The following TMEM201 variants were observed in gnomAD, a reference collection of about 807,000 sequenced individuals.
The protein encoded by TMEM201 is transmembrane protein 201.
TMEM201 carries 26 observed loss-of-function variants against 63.4 expected under a neutral mutation model. The observed-to-expected ratio is 0.41, with a 90% CI of 0.30 to 0.57. The LOEUF is 0.57. Among genes scored for constraint, TMEM201 ranks in the 20% least tolerant of loss-of-function variants. TMEM201 has a pLI of 0.29. For missense variants in TMEM201, 794 were observed against 917.7 expected, an observed-to-expected ratio of 0.87 and a Z score of 1.74; for synonymous variants, 417 against 421.6, an observed-to-expected ratio of 0.99 and a Z score of 0.14.
chr1:9,597,046 G>T lies in TMEM201; in HGVS notation c.422G>T (p.Arg141Leu), dbSNP rs370140123. The T allele has an allele frequency of 1.9e-6, 3 of 1,602,620 alleles. No individual in the cohort carries two copies. The Admixed American group carries it at 5.0e-5, about 27-fold the overall frequency. Residue 141 changes from arginine (R) to leucine (L), a missense_variant, in exon 3 of 11, where the codon CGC (arginine) becomes CTC (leucine). Transcript: ENST00000340381. ...KIKQLAAFAP[R>L]EEGRYDEEVE... ...AAGCAGCTGGCCGCCTTCGCTCCCC[G>T]CGAGGAGGTGAGGCCGGGTTGGGAG...
intron 1 of TMEM201, 41 bp downstream of exon 1, chr1:9,589,084 C>T: frequency 2.3e-6 from 2 of 861,764 alleles, no homozygotes; most frequent in Non-Finnish European, 2.8e-6. Context: ...TCTGCGCCGC[C>T]CGCCAGGCCC....
chr1:9,613,415 G>A lies in TMEM201; in HGVS notation c.*332G>A. 1 of 376,180 alleles carries A rather than the reference G, an allele frequency of 2.7e-6. No individual in the cohort carries two copies. The highest frequency in any genetic ancestry group is 4.0e-5 in the South Asian group (1 of 24,994). 23.3% of individuals were successfully genotyped at this position (376,180 alleles called of 1,614,324 possible). A position where few individuals can be genotyped will look rare whatever the true frequency, so the allele number is the denominator to read the frequency against. ...ACACAGTTCAGCCCTGCCTGGCAGG[G>A]ACGCCAGTACTACTGTAACTGCAGC... is the stretch of plus-strand genomic sequence containing the variant. On this transcript the variant is annotated 3_prime_UTR_variant, in exon 11 of 11. Transcript: ENST00000340381.
rs546889998 is a variant in TMEM201 at position 9,603,691 on chromosome 1, G to C, written c.1160+1419G>C. 1.0e-6 allele frequency: 1 copy of C among 985,504 alleles called. No individual in the cohort carries two copies. Among genetic ancestry groups the C allele is most frequent in the South Asian group, 4.7e-5 (1 of 21,288 alleles). The allele number at this position is 985,504 out of a possible 1,614,324, so 61.0% of individuals were successfully genotyped here. The stretch of plus-strand genomic sequence containing the variant: ...GGCAGGTGCCAGGCCTCACTGCTGT[G>C]AATCTGCCACGCCTGGGGGTCCTAG... On this transcript the variant is annotated intron_variant, in intron 6 of 10. Coordinates refer to ENST00000340381, the MANE Select transcript of TMEM201 (RefSeq NM_001130924.3). The surrounding 1 kb of genome is among the most constrained non-coding windows in gnomAD (Gnocchi z 4.5).
chr1:9,599,684 G>A (rs190882679), intron 4 of TMEM201, among the ~76,000 whole-genome samples: 3 of 151,774 alleles, frequency 2.0e-5, no homozygotes, highest in African/African-American at 4.8e-5. Context: ...GTGCAGTGGC[G>A]TGATCTCGGC....
In TMEM201 at chr1:9,613,316, G is replaced by C; in HGVS notation, c.*233G>C. 3 of 573,930 alleles carry C rather than the reference G, an allele frequency of 5.2e-6. No individual in the cohort carries two copies. The highest frequency in any genetic ancestry group is 9.4e-6 in the Non-Finnish European group (3 of 320,692). 35.6% of individuals were successfully genotyped at this position (573,930 alleles called of 1,614,324 possible). On this transcript the variant is annotated 3_prime_UTR_variant, in exon 11 of 11. Coordinates refer to ENST00000340381, the MANE Select transcript of TMEM201 (RefSeq NM_001130924.3). Reference sequence around the variant, plus strand: ...CCCACTCACCTCCTTGGCTGACATCGGTTGTGTTTGGTGCTGACACTCTGA... The same window carrying C: ...CCCACTCACCTCCTTGGCTGACATCCGTTGTGTTTGGTGCTGACACTCTGA...
chr1:9,602,446 C>T, intron 6 of TMEM201, 174 bp downstream of exon 6: 1 of 1,448,012 alleles, frequency 6.9e-7, no homozygotes, highest in East Asian at 2.5e-5. Flanking sequence ...CTCGAAGAGT[C>T]AGTCTGCCCT....
At chr1:9,601,632 C>T (rs1342180916) in intron 5 of TMEM201, among the ~76,000 whole-genome samples, 178 bp downstream of exon 5, 10 of 152,314 alleles carry the variant, frequency 6.6e-5, no homozygotes, top group South Asian at 2.1e-4. Context: ...AGGCTGCAGA[C>T]GCCCTCTGAG....
intron 5 of TMEM201, among the ~76,000 whole-genome samples, chr1:9,601,835 G>A (rs1644148877): frequency 6.6e-6 from 1 of 152,206 alleles, no homozygotes; most frequent in Non-Finnish European, 1.5e-5. Flanking sequence ...CACCGACTCG[G>A]AGGAATTTTC....
rs1255686772 is a variant in TMEM201 at position 9,595,963 on chromosome 1, A to G, written c.187A>G (p.Asn63Asp). ...QDTLVPYGNR[N>D]CWDCPHCEQY... Reference sequence around the variant, plus strand: ...TACGCTGGTGCCCTATGGGAACCGCAACTGCTGGGACTGTCCCCACTGCGA... The same window carrying G: ...TACGCTGGTGCCCTATGGGAACCGCGACTGCTGGGACTGTCCCCACTGCGA... Residue 63 changes from asparagine (N) to aspartate (D), a missense_variant, in exon 2 of 11, where the codon AAC becomes GAC. Physicochemically the swap from Asn to Asp is conservative, Grantham distance 23 (BLOSUM62 1). Coordinates refer to ENST00000340381, the MANE Select transcript of TMEM201 (RefSeq NM_001130924.3). 1 of 1,613,640 alleles carries G rather than the reference A, an allele frequency of 6.2e-7. No homozygotes were observed. Among genetic ancestry groups the G allele is most frequent in the Non-Finnish European group, 8.5e-7 (1 of 1,180,022 alleles).
At position 9,603,120 on chromosome 1, in the gene TMEM201, C is replaced by A; in HGVS notation, c.1160+848C>A. 1.0e-6 allele frequency: 1 copy of A among 985,472 alleles called. No individual in the cohort carries two copies. The highest frequency in any genetic ancestry group is 1.1e-4 in the East Asian group (1 of 8,808). 61.0% of individuals were successfully genotyped at this position (985,472 alleles called of 1,614,324 possible). On this transcript the variant is annotated intron_variant, in intron 6 of 10. Coordinates refer to ENST00000340381, the MANE Select transcript of TMEM201 (RefSeq NM_001130924.3). This position sits in a 1 kb window ranked among gnomAD's most constrained non-coding sequence, Gnocchi z 4.5. ...TGACATCAGGTCGTTGTCATCCTTTCCCTCCCTGACCTGTCACGAGCCTCT... is the reference window on the plus strand; with the variant it reads ...TGACATCAGGTCGTTGTCATCCTTTACCTCCCTGACCTGTCACGAGCCTCT...
chr1:9,599,968 C>T (rs533469657), intron 4 of TMEM201, among the ~76,000 whole-genome samples: 2 of 152,260 alleles, frequency 1.3e-5, no homozygotes, highest in South Asian at 4.1e-4. Context: ...CTTAAAAGTA[C>T]AGTAGTAAGT....
Position 9,613,366 on chromosome 1 carries a change from G to A in TMEM201, c.*283G>A. ...ATCCCGAAGCCAGGGAGCCCCAAGG[G>A]GCTGCATGACCCTGGGGTGCCCCAC... is the stretch of plus-strand genomic sequence containing the variant. On this transcript the variant is annotated 3_prime_UTR_variant, in exon 11 of 11. Transcript: ENST00000340381. 1 of 523,088 alleles carries A rather than the reference G, an allele frequency of 1.9e-6. No individual in the cohort carries two copies. The highest frequency in any genetic ancestry group is 3.5e-6 in the Non-Finnish European group (1 of 288,648). 32.4% of individuals were successfully genotyped at this position (523,088 alleles called of 1,614,324 possible).
chr1:9,610,039 C>A lies in TMEM201; in HGVS notation c.1465+128C>A. 1 of 840,220 alleles carries A rather than the reference C, an allele frequency of 1.2e-6. No homozygotes were observed. The highest frequency in any genetic ancestry group is 1.9e-6 in the Non-Finnish European group (1 of 515,448). 52.0% of individuals were successfully genotyped at this position (840,220 alleles called of 1,614,324 possible). On this transcript the variant is annotated intron_variant, in intron 8 of 10. Transcript: ENST00000340381. The surrounding 1 kb of genome is among the most constrained non-coding windows in gnomAD (Gnocchi z 4.9). ...TGTGTGTTCACATCTCAGCCCTGGG[C>A]AAGTGACCTACACACCTGTGCCTCA...
chr1:9,609,702 A>C, intron 7 of TMEM201, 138 bp from the exon 8 acceptor site: 1 of 789,942 alleles, frequency 1.3e-6, no homozygotes, highest in Non-Finnish European at 2.0e-6. Context: ...AGTCCGAGGA[A>C]TCCGTGAGCA....
At position 9,588,959 on chromosome 1, in the gene TMEM201, GCT is replaced by G; in HGVS notation, c.30_31del (p.Cys11ProfsTer136). The G allele has an allele frequency of 1.6e-6, 2 of 1,269,028 alleles. No individual in the cohort carries two copies. The highest frequency in any genetic ancestry group is 2.0e-6 in the Non-Finnish European group (2 of 989,370). The allele number at this position is 1,269,028 out of a possible 1,614,324, so 78.6% of individuals were successfully genotyped here. Reference sequence around the variant, plus strand: ...GAGGGAGTGAGCGCGCTGCTGGCCCGCTGCCCCACGGCCGGCCTGGCCGGCGG... The same window carrying G: ...GAGGGAGTGAGCGCGCTGCTGGCCCGGCCCCACGGCCGGCCTGGCCGGCGG... On this transcript the variant is annotated frameshift_variant, in exon 1 of 11. Coordinates refer to ENST00000340381, the MANE Select transcript of TMEM201 (RefSeq NM_001130924.3). LOFTEE classifies it high-confidence loss of function.
In TMEM201 at chr1:9,607,339, G is replaced by T. The variant is rs559413099; in HGVS notation, c.1161-218G>T. 1.3e-5 allele frequency among the ~76,000 whole-genome samples: 2 copies of T among 152,210 alleles called. No homozygotes were observed. Among genetic ancestry groups the T allele is most frequent in the South Asian group, 4.2e-4 (2 of 4,814 alleles). ...CCGAGGGGGTAGGAGGGGGCATGTG[G>T]GGAGGGCCGGGTCTTGCTGGCACCT... On this transcript the variant is annotated intron_variant, in intron 6 of 10. Transcript: ENST00000340381. This position sits in a 1 kb window ranked among gnomAD's most constrained non-coding sequence, Gnocchi z 5.4.
rs747300480 is a variant in TMEM201, at chr1:9,595,987, G to T, written c.211G>T (p.Glu71Ter). Residue 71 changes from glutamate (E) to a stop codon, truncating the protein, a stop_gained, in exon 2 of 11, where the codon GAG becomes TAG. Transcript: ENST00000340381. LOFTEE classifies it high-confidence loss of function. ...CAACTGCTGGGACTGTCCCCACTGC[G>T]AGCAGTACAACGGCTTCCAGGAGGT... is the stretch of plus-strand genomic sequence containing the variant. The part of the protein sequence containing the change: ...NRNCWDCPHC[E>*]QYNGFQENGD... The T allele has an allele frequency of 1.2e-6, 2 of 1,613,166 alleles. No homozygotes were observed. The highest frequency in any genetic ancestry group is 1.1e-5 in the South Asian group (1 of 91,056).
At chr1:9,598,380 T>G in intron 3 of TMEM201, 69 bp from the exon 4 acceptor site, 1 of 1,550,576 alleles carries the variant, frequency 6.4e-7, no homozygotes, top group South Asian at 1.2e-5. Flanking sequence ...TGATTCCACG[T>G]CTGACCTGTA....
chr1:9,598,183 C>T (rs1171345349), intron 3 of TMEM201, among the ~76,000 whole-genome samples: 1 of 152,220 alleles, frequency 6.6e-6, no homozygotes, highest in Non-Finnish European at 1.5e-5. Flanking sequence ...GCGGGTGCGT[C>T]CCTGGAGCAA....
Sources: allele counts gnomAD v4.1 joint callset (sites outside exome capture counted in the v4.1 genomes callset), GRCh38; gene constraint gnomAD v4.1.1; non-coding constraint Gnocchi (gnomAD v3.1); transcripts MANE v1.5; gene names NCBI Gene and HGNC (gene_info 2026-07-23, HGNC 2026-07-21).